The following RBMS3 variants were observed in gnomAD, a reference collection of about 807,000 sequenced individuals.
RBMS3 encodes the protein RNA-binding motif, single-stranded-interacting protein 3.
A neutral mutation model predicts 66.8 loss-of-function variants in RBMS3; 27 were observed. That is an observed-to-expected ratio of 0.40 (90% CI 0.30 to 0.56). RBMS3 has a LOEUF of 0.56. RBMS3 is among the 20% of genes least tolerant of loss of function. The pLI, the probability that RBMS3 is intolerant of heterozygous loss-of-function variation, is 0.40. For missense variants in RBMS3, 513 were observed against 549.5 expected, an observed-to-expected ratio of 0.93 and a Z score of 0.66; for synonymous variants, 188 against 183.0, an observed-to-expected ratio of 1.03 and a Z score of -0.22.
At chr3:29,560,742 TCTTTTAA>T (rs1347762493) in intron 3 of RBMS3, among the ~76,000 whole-genome samples, 1 of 152,234 alleles carries the variant, frequency 6.6e-6, no homozygotes, top group Non-Finnish European at 1.5e-5. Context: ...TAAATGTCTT[TCTTTTAA>T]CTTTTAAGTG....
At chr3:29,927,900 C>T (rs372213776) in intron 10 of RBMS3, among the ~76,000 whole-genome samples, 2 of 152,100 alleles carry the variant, frequency 1.3e-5, no homozygotes, top group South Asian at 2.1e-4. Flanking sequence ...CCCTACAACT[C>T]ATTCACTCTA....
At chr3:29,822,399 G>A (rs1303457344) in intron 6 of RBMS3, among the ~76,000 whole-genome samples, 5 of 152,028 alleles carry the variant, frequency 3.3e-5, no homozygotes, top group Admixed American at 6.6e-5. Context: ...TTGCTTCTGG[G>A]AAAAACAAAT....
At chr3:29,680,251 TCAGA>T (rs1165843651) in intron 4 of RBMS3, among the ~76,000 whole-genome samples, 1 of 152,204 alleles carries the variant, frequency 6.6e-6, no homozygotes, top group Non-Finnish European at 1.5e-5. Context: ...CTAATCAAGC[TCAGA>T]CAAACATGTT....
chr3:29,330,910 A>G (rs945333102), intron 1 of RBMS3, among the ~76,000 whole-genome samples: 3 of 152,170 alleles, frequency 2.0e-5, no homozygotes, highest in Admixed American at 6.6e-5. Context: ...CCACTGGAAT[A>G]AAGTTGCTTT....
intron 1 of RBMS3, among the ~76,000 whole-genome samples, chr3:29,314,643 G>A (rs2034570056): frequency 6.6e-6 from 1 of 151,622 alleles, no homozygotes; most frequent in Admixed American, 6.6e-5. Flanking sequence ...GGTGCACAGG[G>A]GTGGAGGGAA....
chr3:29,486,688 T>C (rs904488727), intron 2 of RBMS3, among the ~76,000 whole-genome samples: 1 of 152,198 alleles, frequency 6.6e-6, no homozygotes, highest in East Asian at 1.9e-4. Flanking sequence ...TCTTGTAATA[T>C]TGATACAGTA....
chr3:29,991,062 GTTC>G lies in RBMS3; in HGVS notation c.1180-17_1180-15del, dbSNP rs150457202. On this transcript the variant is annotated splice_polypyrimidine_tract_variant and intron_variant, in intron 13 of 14. Coordinates refer to ENST00000383767, the MANE Select transcript of RBMS3 (RefSeq NM_001003793.3). ...TCACTGAAGCAAGTAAGGCTTTTAT[GTTC>G]TTATTTGCCTCCTTAGGGTGTTGTT... 42,585 of 1,612,520 alleles carry G rather than the reference GTTC, an allele frequency of 0.026. 1,238 individuals carry two copies. Among genetic ancestry groups the G allele is most frequent in the East Asian group, 0.18 (7,874 of 44,842 alleles).
At chr3:29,958,934 T>C (rs973185110) in intron 12 of RBMS3, among the ~76,000 whole-genome samples, 1 of 152,188 alleles carries the variant, frequency 6.6e-6, no homozygotes, top group Non-Finnish European at 1.5e-5. Flanking sequence ...AGCTTTTGTG[T>C]TCATTTCTGC....
chr3:29,772,659 A>C (rs1422484343), intron 6 of RBMS3, among the ~76,000 whole-genome samples: 1 of 152,018 alleles, frequency 6.6e-6, no homozygotes, highest in Admixed American at 6.6e-5. Context: ...TGGTTGGAAA[A>C]TTACCAAGAG....
intron 4 of RBMS3, among the ~76,000 whole-genome samples, chr3:29,688,204 C>T (rs898023486): frequency 6.6e-6 from 1 of 152,122 alleles, no homozygotes; most frequent in Non-Finnish European, 1.5e-5. Flanking sequence ...GCCAGTACCA[C>T]ATCCTGAAAC....
chr3:29,992,707 G>C (rs1000464398), intron 14 of RBMS3, among the ~76,000 whole-genome samples: 25 of 152,150 alleles, frequency 1.6e-4, no homozygotes, highest in Non-Finnish European at 2.9e-4. Flanking sequence ...CCAACAAGCC[G>C]AGTGAGGGGG....
chr3:29,335,027 T>C (rs2035866325), intron 1 of RBMS3, among the ~76,000 whole-genome samples: 1 of 152,214 alleles, frequency 6.6e-6, no homozygotes, highest in African/African-American at 2.4e-5. Flanking sequence ...TATGTTTTAA[T>C]AGCAGGCATT....
rs537655931 is a variant in RBMS3, at chr3:29,654,769, T to C, written c.399+67564T>C. 3.4e-3 allele frequency among the ~76,000 whole-genome samples: 518 copies of C among 151,570 alleles called. 1 individual carries two copies. Among genetic ancestry groups the C allele is most frequent in the Admixed American group, 6.8e-3 (104 of 15,226 alleles). Reference sequence around the variant, plus strand: ...CATGCCCAGTTAATTTTTGCGTTTTTTTTTTTTTTGTAGAGACAGAGTTTT... The same window carrying C: ...CATGCCCAGTTAATTTTTGCGTTTTCTTTTTTTTTGTAGAGACAGAGTTTT... On this transcript the variant is annotated intron_variant, in intron 4 of 14. Transcript: ENST00000383767.
At chr3:29,535,845 G>A (rs577923189) in intron 3 of RBMS3, among the ~76,000 whole-genome samples, 45 of 143,588 alleles carry the variant, frequency 3.1e-4, no homozygotes, top group Non-Finnish European at 5.3e-4. Context: ...TTAAACAAGT[G>A]TTTTATTAGA....
At chr3:29,869,380 T>C (rs1281844594) in intron 7 of RBMS3, among the ~76,000 whole-genome samples, 1 of 152,154 alleles carries the variant, frequency 6.6e-6, no homozygotes, top group Admixed American at 6.6e-5. Flanking sequence ...TTTCATTCTG[T>C]TATTGAGATG....
At chr3:29,435,817 A>G (rs191457755) in intron 2 of RBMS3, among the ~76,000 whole-genome samples, 2 of 152,018 alleles carry the variant, frequency 1.3e-5, no homozygotes, top group East Asian at 3.9e-4. Context: ...TACTGAAAAT[A>G]CAAAAAAATT....
chr3:29,770,326 T>G (rs1171548327), intron 6 of RBMS3, among the ~76,000 whole-genome samples: 1 of 151,994 alleles, frequency 6.6e-6, no homozygotes, highest in African/African-American at 2.4e-5. Flanking sequence ...CTAGAGAAAG[T>G]ACCACATTAA....
chr3:29,574,797 A>G (rs1269129045), intron 3 of RBMS3, among the ~76,000 whole-genome samples: 3 of 151,648 alleles, frequency 2.0e-5, no homozygotes, highest in Non-Finnish European at 4.4e-5. Flanking sequence ...TATTTTAAAC[A>G]GATGAAAACT....
In RBMS3 at chr3:29,462,406, C is replaced by G. The variant is rs2125782421; in HGVS notation, c.249-26035C>G. ...TTGCATGTACATTATCATATGTTGC[C>G]TCCTAATTCAATGATGTATCATATT... On this transcript the variant is annotated intron_variant, in intron 2 of 14. Transcript: ENST00000383767. 2.6e-5 allele frequency among the ~76,000 whole-genome samples: 4 copies of G among 152,204 alleles called. No homozygotes were observed. The Middle Eastern group carries it at 0.014, about 518-fold the overall frequency.
Sources: allele counts gnomAD v4.1 joint callset (sites outside exome capture counted in the v4.1 genomes callset), GRCh38; gene constraint gnomAD v4.1.1; transcripts MANE v1.5; gene names NCBI Gene and HGNC (gene_info 2026-07-23, HGNC 2026-07-21).